Variants in ARMH4 observed in about 807,000 individuals in gnomAD.
ARMH4 encodes armadillo-like helical domain-containing protein 4.
A neutral mutation model predicts 61.9 loss-of-function variants in ARMH4; 49 were observed. The ratio of observed to expected loss-of-function variants is 0.79; its 90% CI spans 0.63 to 1.00. The LOEUF (loss-of-function observed/expected upper bound fraction) is 1.00, where lower values mean the gene tolerates loss of function less well. Ranked by LOEUF, ARMH4 falls within the 50% of genes least tolerant of loss-of-function variation. ARMH4 has a pLI of 0.00. For synonymous variants in ARMH4, 368 were observed against 341.5 expected, an observed-to-expected ratio of 1.08 and a Z score of -0.85; for missense variants, 934 against 930.0, an observed-to-expected ratio of 1.00 and a Z score of -0.06.
At chr14:58,043,820 CAGAG>C (rs1040775497) in intron 5 of ARMH4, among the ~76,000 whole-genome samples, 1 of 152,146 alleles carries the variant, frequency 6.6e-6, no homozygotes, top group Non-Finnish European at 1.5e-5. Context: ...AACAGACAGA[CAGAG>C]AGCCAAATCA....
At chr14:58,127,940 T>A (rs917492467) in intron 4 of ARMH4, among the ~76,000 whole-genome samples, 2 of 152,186 alleles carry the variant, frequency 1.3e-5, no homozygotes, top group Non-Finnish European at 2.9e-5. Flanking sequence ...TCCCATATGT[T>A]CTTAGAAACC....
intron 5 of ARMH4, among the ~76,000 whole-genome samples, chr14:58,031,229 T>C (rs940719571): frequency 7.9e-5 from 12 of 152,192 alleles, no homozygotes; most frequent in Admixed American, 2.0e-4. Flanking sequence ...GCTCTGAGCA[T>C]CGATTAGACA....
intron 5 of ARMH4, among the ~76,000 whole-genome samples, chr14:58,093,636 A>T (rs904574885): frequency 6.6e-6 from 1 of 152,204 alleles, no homozygotes; most frequent in African/African-American, 2.4e-5. Flanking sequence ...AGTTTCTACT[A>T]TTTTACCTGA....
chr14:58,013,308 A>C (rs1225673204), intron 5 of ARMH4, among the ~76,000 whole-genome samples: 2 of 152,200 alleles, frequency 1.3e-5, no homozygotes, highest in Admixed American at 1.3e-4. Context: ...GTTCCAATAA[A>C]CTTTATTTAT....
In ARMH4 at chr14:58,120,968, C is replaced by T. The variant is rs557719000; in HGVS notation, c.1831+10544G>A. On this transcript the variant is annotated intron_variant, in intron 4 of 7. Transcript: ENST00000267485. ...CAGAGTCAAGTTGGAAAGTAAGTCA[C>T]GATATACAGGGTTAAATAAAACCCA... Among the ~76,000 whole-genome samples the T allele has an allele frequency of 3.9e-5, 6 of 152,194 alleles. No individual in the cohort carries two copies. In the South Asian group the frequency reaches 8.3e-4, roughly 21 times the overall value.
At chr14:58,023,661 G>T (rs1375011645) in intron 5 of ARMH4, among the ~76,000 whole-genome samples, 1 of 152,100 alleles carries the variant, frequency 6.6e-6, no homozygotes, top group Non-Finnish European at 1.5e-5. Flanking sequence ...TTTCCAGAAG[G>T]TTTACAACTT....
rs116433282 is a variant in ARMH4 at position 58,066,986 on chromosome 14, G to A, written c.2089+29738C>T. On this transcript the variant is annotated intron_variant, in intron 5 of 7. Coordinates refer to ENST00000267485, the MANE Select transcript of ARMH4 (RefSeq NM_001001872.4). ...AACTTAGAGTGACCTGATACAAAAT[G>A]GAAAAAATATAATGTCAACTAGGGA... is the stretch of plus-strand genomic sequence containing the variant. 7.3e-3 allele frequency among the ~76,000 whole-genome samples: 1,107 copies of A among 152,226 alleles called. 9 individuals carry two copies. The highest frequency in any genetic ancestry group is 0.025 in the African/African-American group (1,032 of 41,528).
At chr14:58,096,129 T>C (rs1465407219) in intron 5 of ARMH4, among the ~76,000 whole-genome samples, 1 of 151,832 alleles carries the variant, frequency 6.6e-6, no homozygotes, top group African/African-American at 2.4e-5. Context: ...GAGCATGGAG[T>C]GGTCTGGCCA....
At chr14:58,058,759 C>T (rs963919152) in intron 5 of ARMH4, among the ~76,000 whole-genome samples, 2 of 152,190 alleles carry the variant, frequency 1.3e-5, no homozygotes, top group Non-Finnish European at 2.9e-5. Flanking sequence ...GTCTCTGTGA[C>T]CTGTACAGAT....
At chr14:58,064,858 G>A (rs1255329886) in intron 5 of ARMH4, among the ~76,000 whole-genome samples, 2 of 152,166 alleles carry the variant, frequency 1.3e-5, no homozygotes, top group Non-Finnish European at 2.9e-5. Context: ...ATCAAATAGA[G>A]CCCCCTGATG....
At chr14:58,010,999 G>C (rs1423741360) in intron 6 of ARMH4, among the ~76,000 whole-genome samples, 1 of 151,932 alleles carries the variant, frequency 6.6e-6, no homozygotes, top group East Asian at 1.9e-4. Context: ...AATATATCCA[G>C]TTCTAAACTT....
At chr14:58,120,369 A>T (rs1886685975) in intron 4 of ARMH4, among the ~76,000 whole-genome samples, 1 of 152,106 alleles carries the variant, frequency 6.6e-6, no homozygotes, top group Admixed American at 6.5e-5. Flanking sequence ...ACACACACAC[A>T]CACAAAGACA....
At chr14:58,032,306 G>A (rs894657367) in intron 5 of ARMH4, among the ~76,000 whole-genome samples, 2 of 152,048 alleles carry the variant, frequency 1.3e-5, no homozygotes, top group African/African-American at 2.4e-5. Context: ...GAGAACTGAG[G>A]CTGTTGTTCT....
chr14:58,110,508 C>T (rs908172826), intron 4 of ARMH4, among the ~76,000 whole-genome samples: 1 of 152,110 alleles, frequency 6.6e-6, no homozygotes, highest in African/African-American at 2.4e-5. Flanking sequence ...TTCATCTTCA[C>T]CCCACAAGTC....
At chr14:58,045,283 TA>T (rs1404173819) in intron 5 of ARMH4, among the ~76,000 whole-genome samples, 8 of 152,110 alleles carry the variant, frequency 5.3e-5, no homozygotes, top group African/African-American at 1.7e-4. Context: ...TATGCAGCCA[TA>T]AAAAATGATG....
At chr14:58,097,980 A>G (rs1351797987) in intron 4 of ARMH4, among the ~76,000 whole-genome samples, 1 of 152,146 alleles carries the variant, frequency 6.6e-6, no homozygotes, top group East Asian at 1.9e-4. Context: ...TCAAGGCCCC[A>G]TCCTCACCAT....
chr14:58,110,728 T>C (rs974966591), intron 4 of ARMH4, among the ~76,000 whole-genome samples: 2 of 152,208 alleles, frequency 1.3e-5, no homozygotes, highest in African/African-American at 2.4e-5. Context: ...TGAGATTTTT[T>C]TTTTTAATTT....
chr14:58,042,511 T>C (rs1883764169), intron 5 of ARMH4, among the ~76,000 whole-genome samples: 1 of 151,926 alleles, frequency 6.6e-6, no homozygotes, highest in African/African-American at 2.4e-5. Flanking sequence ...AGATCTAAAA[T>C]TGACACCCTA....
chr14:58,041,867 A>G lies in ARMH4; in HGVS notation c.2090-29717T>C, dbSNP rs767596759. Among the ~76,000 whole-genome samples, 52 of 152,218 alleles carry G rather than the reference A, an allele frequency of 3.4e-4. 1 individual carries two copies. The highest frequency in any genetic ancestry group is 6.6e-4 in the Non-Finnish European group (45 of 68,034). ...ACAAAGAAGGCCATTACATAATGGT[A>G]AAAGGATCAATTCAACAAGAAGAGG... On this transcript the variant is annotated intron_variant, in intron 5 of 7. Transcript: ENST00000267485.
Sources: allele counts gnomAD v4.1 joint callset (sites outside exome capture counted in the v4.1 genomes callset), GRCh38; gene constraint gnomAD v4.1.1; transcripts MANE v1.5; gene names NCBI Gene and HGNC (gene_info 2026-07-23, HGNC 2026-07-21).